Variants in DLC1 observed in about 807,000 individuals in gnomAD.
The protein encoded by DLC1 is DLC1 Rho GTPase activating protein.
In DLC1, 54 loss-of-function variants were observed where a neutral mutation model predicts 140.3. The observed-to-expected ratio is 0.38, with a 90% CI of 0.31 to 0.48. DLC1 has a LOEUF of 0.48. DLC1 is among the 20% of genes least tolerant of loss of function. The pLI, the probability that DLC1 is intolerant of heterozygous loss-of-function variation, is 0.96. For missense variants in DLC1, 2,536 were observed against 1,907.0 expected (o/e 1.33, Z -6.14); for synonymous variants, 986 against 728.1 (o/e 1.35, Z -5.70).
At chr8:13,131,194 C>T (rs944289440) in intron 5 of DLC1, among the ~76,000 whole-genome samples, 1 of 152,180 alleles carries the variant, frequency 6.6e-6, no homozygotes, top group Non-Finnish European at 1.5e-5. Context: ...CACTTACAGT[C>T]TGCAAATTAT....
At chr8:13,527,897 T>A (rs1384742583) in intron 1 of DLC1, among the ~76,000 whole-genome samples, 2 of 152,244 alleles carry the variant, frequency 1.3e-5, no homozygotes, top group East Asian at 3.9e-4. Flanking sequence ...TCCTTGCTTT[T>A]GCCACTTTAA....
At chr8:13,276,170 C>T in intron 5 of DLC1, 1 of 1,487,314 alleles carries the variant, frequency 6.7e-7, no homozygotes, top group African/African-American at 1.4e-5. Flanking sequence ...TGAGATCATT[C>T]ATGAACCAAG....
chr8:13,546,675 A>G (rs1169403718), intron 1 of DLC1, among the ~76,000 whole-genome samples: 1 of 152,182 alleles, frequency 6.6e-6, no homozygotes, highest in Admixed American at 6.6e-5. Flanking sequence ...CACTCAGTCC[A>G]TAGAGAGTGA....
At chr8:13,443,868 A>T (rs1268466512) in intron 2 of DLC1, among the ~76,000 whole-genome samples, 1 of 152,036 alleles carries the variant, frequency 6.6e-6, no homozygotes, top group Non-Finnish European at 1.5e-5. Context: ...CCTAAAACAA[A>T]CGTCACATGT....
intron 2 of DLC1, among the ~76,000 whole-genome samples, chr8:13,433,383 C>G (rs1838975123): frequency 6.6e-6 from 1 of 152,088 alleles, no homozygotes; most frequent in Non-Finnish European, 1.5e-5. Flanking sequence ...ACAGTGGAAA[C>G]TTCTATTAAG....
chr8:13,245,342 C>T (rs112438322), intron 5 of DLC1, among the ~76,000 whole-genome samples: 23 of 152,356 alleles, frequency 1.5e-4, no homozygotes, highest in South Asian at 6.2e-4. Flanking sequence ...GCCAATATCC[C>T]GGACATTGTG....
At chr8:13,449,832 G>A (rs1188741938) in intron 2 of DLC1, among the ~76,000 whole-genome samples, 1 of 151,998 alleles carries the variant, frequency 6.6e-6, no homozygotes, top group Non-Finnish European at 1.5e-5. Context: ...AAAAAATCCT[G>A]TGTTTCCATT....
chr8:13,551,603 G>T (rs1294697501), intron 1 of DLC1, among the ~76,000 whole-genome samples: 2 of 151,922 alleles, frequency 1.3e-5, no homozygotes, highest in African/African-American at 2.4e-5. Context: ...CATAAGGCAT[G>T]TTAAGGTCCT....
intron 5 of DLC1, among the ~76,000 whole-genome samples, chr8:13,206,794 G>A (rs111237040): frequency 6.6e-6 from 1 of 151,820 alleles, no homozygotes; most frequent in Non-Finnish European, 1.5e-5. Flanking sequence ...AACACCATTT[G>A]TTACCATACA....
At chr8:13,128,444 C>T (rs2128960944) in intron 5 of DLC1, among the ~76,000 whole-genome samples, 1 of 152,256 alleles carries the variant, frequency 6.6e-6, no homozygotes, top group Admixed American at 6.5e-5. Context: ...TGCCTACCTA[C>T]GCACACAAGC....
At chr8:13,543,788 C>T (rs578030826) in intron 1 of DLC1, among the ~76,000 whole-genome samples, 13 of 152,092 alleles carry the variant, frequency 8.5e-5, no homozygotes, top group African/African-American at 3.1e-4. Flanking sequence ...GGGAGCTAAG[C>T]TATAGGTATG....
chr8:13,440,434 A>C (rs1333060765), intron 2 of DLC1, among the ~76,000 whole-genome samples: 1 of 152,212 alleles, frequency 6.6e-6, no homozygotes, highest in East Asian at 1.9e-4. Flanking sequence ...TTCCTGTCCC[A>C]GCTCTCCTTT....
chr8:13,140,760 T>C (rs532517001), intron 5 of DLC1, among the ~76,000 whole-genome samples: 2 of 152,326 alleles, frequency 1.3e-5, no homozygotes, highest in East Asian at 3.9e-4. Flanking sequence ...TTTACTTAAG[T>C]AGTTTTTCCT....
chr8:13,601,700 G>T (rs1220700080), intron 1 of DLC1, among the ~76,000 whole-genome samples: 1 of 151,372 alleles, frequency 6.6e-6, no homozygotes, highest in Non-Finnish European at 1.5e-5. Flanking sequence ...ACAGAAGAAA[G>T]GGGTTGGGGA....
chr8:13,601,279 T>G (rs895419080), intron 1 of DLC1, among the ~76,000 whole-genome samples: 1 of 151,814 alleles, frequency 6.6e-6, no homozygotes, highest in Non-Finnish European at 1.5e-5. Context: ...GACTAGCTCT[T>G]GAGCTCAAAT....
intron 2 of DLC1, among the ~76,000 whole-genome samples, chr8:13,428,768 G>A (rs1478430174): frequency 6.6e-6 from 1 of 152,110 alleles, no homozygotes; most frequent in Non-Finnish European, 1.5e-5. Context: ...CTACATGCTT[G>A]CTGTGACTCC....
At chr8:13,480,584 T>C (rs577988875) in intron 2 of DLC1, among the ~76,000 whole-genome samples, 42 of 152,298 alleles carry the variant, frequency 2.8e-4, no homozygotes, top group African/African-American at 1.0e-3. Flanking sequence ...AGTCATTAGA[T>C]AGAATACATA....
chr8:13,366,387 C>T (rs1464465597), intron 4 of DLC1, among the ~76,000 whole-genome samples: 2 of 152,144 alleles, frequency 1.3e-5, no homozygotes, highest in Non-Finnish European at 2.9e-5. Context: ...TCCATGGCCC[C>T]ATGAAACTTG....
At chr8:13,216,408 C>A (rs944590379) in intron 5 of DLC1, among the ~76,000 whole-genome samples, 1 of 152,054 alleles carries the variant, frequency 6.6e-6, no homozygotes, top group Non-Finnish European at 1.5e-5. Flanking sequence ...TTGCAGATCA[C>A]CTCTCTAGTC....
Sources: gnomAD v4.1 joint callset for allele counts (sites outside exome capture counted in the v4.1 genomes callset) on GRCh38, gnomAD v4.1.1 for gene constraint, MANE v1.5 for transcripts, NCBI Gene and HGNC (gene_info 2026-07-23, HGNC 2026-07-21) for gene names.